STXBP5L: variants seen among roughly 807,000 people sequenced by gnomAD.
STXBP5L encodes syntaxin binding protein 5L.
Under a neutral mutation model 144.5 loss-of-function variants are expected in STXBP5L, and 65 were observed. The ratio of observed to expected loss-of-function variants is 0.45; its 90% CI spans 0.37 to 0.55. The LOEUF (loss-of-function observed/expected upper bound fraction) is 0.55, where lower values mean the gene tolerates loss of function less well. Ranked by LOEUF, STXBP5L falls within the 20% of genes least tolerant of loss-of-function variation. The pLI is 0.00. For missense variants in STXBP5L, 1,298 were observed against 1,405.5 expected (o/e 0.92, Z 1.22); for synonymous variants, 505 against 469.6 (o/e 1.08, Z -0.97).
chr3:121,033,493 G>A (rs1946522199), intron 3 of STXBP5L, among the ~76,000 whole-genome samples: 1 of 141,542 alleles, frequency 7.1e-6, no homozygotes, highest in Non-Finnish European at 1.5e-5. Flanking sequence ...AGTGGGTGCA[G>A]TGCACCAGCA....
rs550071595 is a variant in STXBP5L, at chr3:121,334,884, C to T, written c.2176+16344C>T. ...TGAATGGGCAAAAGCTGGAAGCATT[C>T]CCCTTGAAAACTGGCACAAGTATGC... is the stretch of plus-strand genomic sequence containing the variant. On this transcript the variant is annotated intron_variant, in intron 20 of 26. Transcript: ENST00000471454. 2.0e-5 allele frequency among the ~76,000 whole-genome samples: 3 copies of T among 152,264 alleles called. No individual in the cohort carries two copies. The East Asian group carries it at 5.8e-4, about 29-fold the overall frequency.
intron 5 of STXBP5L, among the ~76,000 whole-genome samples, chr3:121,053,661 T>G (rs1167027374): frequency 6.6e-6 from 1 of 152,094 alleles, no homozygotes; most frequent in Non-Finnish European, 1.5e-5. Flanking sequence ...GCAATACCAT[T>G]CAGGACATAG....
intron 19 of STXBP5L, chr3:121,282,248 G>A (rs1452696617): frequency 1.2e-6 from 2 of 1,606,724 alleles, no homozygotes; most frequent in Non-Finnish European, 1.7e-6. Context: ...GATGCTGGTG[G>A]TCTGGCATGT....
chr3:121,124,988 T>G (rs905002624), intron 7 of STXBP5L, among the ~76,000 whole-genome samples: 7 of 152,186 alleles, frequency 4.6e-5, no homozygotes, highest in African/African-American at 1.4e-4. Flanking sequence ...ATTGAATGCT[T>G]TCTACATGTA....
chr3:120,979,418 G>A (rs1941497345), intron 3 of STXBP5L, among the ~76,000 whole-genome samples: 1 of 152,144 alleles, frequency 6.6e-6, no homozygotes, highest in African/African-American at 2.4e-5. Flanking sequence ...GTATTAGGGT[G>A]GGCGTGACCC....
chr3:121,259,196 G>A (rs775271616), intron 18 of STXBP5L, 28 bp downstream of exon 18: 9 of 1,465,690 alleles, frequency 6.1e-6, no homozygotes, highest in Non-Finnish European at 7.3e-6. Flanking sequence ...TTTATGATAT[G>A]TATTATTTAG....
chr3:121,386,566 C>T (rs185538947), intron 22 of STXBP5L, among the ~76,000 whole-genome samples: 36 of 152,168 alleles, frequency 2.4e-4, no homozygotes, highest in Middle Eastern at 3.4e-3. Flanking sequence ...CCCCACCCCC[C>T]GACAGGTCCC....
At chr3:121,209,293 G>A (rs2048462371) in intron 10 of STXBP5L, among the ~76,000 whole-genome samples, 1 of 152,142 alleles carries the variant, frequency 6.6e-6, no homozygotes, top group Non-Finnish European at 1.5e-5. Context: ...AACCAGAAAT[G>A]GGATTGCTCG....
chr3:121,135,757 CCA>C (rs1432844665), intron 7 of STXBP5L, among the ~76,000 whole-genome samples: 19 of 152,170 alleles, frequency 1.2e-4, no homozygotes, highest in Admixed American at 9.8e-4. Context: ...TCCTAACAGG[CCA>C]CAGACTGGTA....
intron 18 of STXBP5L, among the ~76,000 whole-genome samples, chr3:121,278,079 C>G (rs1300883398): frequency 6.6e-6 from 1 of 151,966 alleles, no homozygotes; most frequent in South Asian, 2.1e-4. Flanking sequence ...TTTTTGTAGT[C>G]TCAGTCTCTC....
chr3:121,202,813 GT>G (rs762626022), intron 9 of STXBP5L, among the ~76,000 whole-genome samples: 17 of 151,540 alleles, frequency 1.1e-4, no homozygotes, highest in Admixed American at 2.6e-4. Flanking sequence ...CTTTCAAGGT[GT>G]TTTATTTTTT....
chr3:121,252,673 GT>G (rs1457761893), intron 15 of STXBP5L, among the ~76,000 whole-genome samples: 1 of 152,118 alleles, frequency 6.6e-6, no homozygotes, highest in Non-Finnish European at 1.5e-5. Flanking sequence ...GAATAACTGA[GT>G]TTATATTATT....
At chr3:121,400,750 C>T (rs2046852464) in intron 22 of STXBP5L, among the ~76,000 whole-genome samples, 1 of 152,298 alleles carries the variant, frequency 6.6e-6, no homozygotes, top group South Asian at 2.1e-4. Flanking sequence ...TGTCTTCCAC[C>T]TTCCAACCTT....
chr3:121,346,454 T>C (rs1056903547), intron 20 of STXBP5L, among the ~76,000 whole-genome samples: 3 of 152,180 alleles, frequency 2.0e-5, no homozygotes, highest in African/African-American at 7.2e-5. Context: ...TATAATCCTT[T>C]GGGTATATAC....
chr3:121,252,654 A>C (rs1385766389), intron 15 of STXBP5L, among the ~76,000 whole-genome samples: 1 of 152,246 alleles, frequency 6.6e-6, no homozygotes, highest in East Asian at 1.9e-4. Context: ...CAGAAAGCAA[A>C]ATGAATTTGA....
intron 22 of STXBP5L, among the ~76,000 whole-genome samples, chr3:121,389,736 C>T (rs548663145): frequency 6.6e-6 from 1 of 152,222 alleles, no homozygotes; most frequent in Admixed American, 6.5e-5. Flanking sequence ...TTGAATTGCA[C>T]TGTGGTCTGA....
chr3:121,277,486 G>A (rs1255755195), intron 18 of STXBP5L, among the ~76,000 whole-genome samples: 2 of 151,762 alleles, frequency 1.3e-5, no homozygotes, highest in Non-Finnish European at 2.9e-5. Context: ...GCTTTTTTAT[G>A]TCTTCCATTC....
chr3:121,348,276 T>A (rs1157654371), intron 20 of STXBP5L, among the ~76,000 whole-genome samples: 1 of 152,206 alleles, frequency 6.6e-6, no homozygotes, highest in Non-Finnish European at 1.5e-5. Context: ...CTTGCATATG[T>A]TGAACCAGCC....
At chr3:120,935,534 G>T (rs1434042315) in intron 2 of STXBP5L, among the ~76,000 whole-genome samples, 1 of 151,708 alleles carries the variant, frequency 6.6e-6, no homozygotes, top group Admixed American at 6.6e-5. Context: ...ATTTCTTTTA[G>T]CATTTCTTGC....
Sources: allele counts gnomAD v4.1 joint callset (sites outside exome capture counted in the v4.1 genomes callset), GRCh38; gene constraint gnomAD v4.1.1; transcripts MANE v1.5; gene names NCBI Gene and HGNC (gene_info 2026-07-23, HGNC 2026-07-21).